BPIFB2: variants seen among roughly 807,000 people sequenced by gnomAD.
BPIFB2 encodes BPI fold containing family B member 2.
In BPIFB2, 39 loss-of-function variants were observed where a neutral mutation model predicts 50.1. The ratio of observed to expected loss-of-function variants is 0.78; its 90% CI spans 0.60 to 1.02. BPIFB2 has a LOEUF of 1.02. Among genes scored for constraint, BPIFB2 ranks in the 50% least tolerant of loss-of-function variants. The pLI is 0.00. For synonymous variants in BPIFB2, 280 were observed against 256.3 expected (o/e 1.09, Z -0.88); for missense variants, 574 against 585.8 (o/e 0.98, Z 0.21).
intron 3 of BPIFB2, 147 bp downstream of exon 3, chr20:33,011,264 C>T: frequency 1.4e-6 from 1 of 690,178 alleles, no homozygotes; most frequent in Admixed American, 2.5e-5. Flanking sequence ...TCCAGTCCAC[C>T]AGATGAGCAC....
chr20:33,015,645 GA>G (rs1978393531), intron 6 of BPIFB2, 149 bp downstream of exon 6: 9 of 737,054 alleles, frequency 1.2e-5, no homozygotes, highest in Non-Finnish European at 1.9e-5. Context: ...TGAAGGCAGG[GA>G]AAAGGCTGGT....
At chr20:33,021,420 A>G (rs1978665848) in intron 14 of BPIFB2, 76 bp downstream of exon 14, 1 of 1,483,016 alleles carries the variant, frequency 6.7e-7, no homozygotes, top group Admixed American at 1.9e-5. Flanking sequence ...GCTCAATCCC[A>G]GCCCCCTTCC....
At chr20:33,019,185 G>A in intron 10 of BPIFB2, 70 bp downstream of exon 10, 2 of 1,571,074 alleles carry the variant, frequency 1.3e-6, no homozygotes, top group Non-Finnish European at 1.8e-6. Context: ...TGGGTCATGG[G>A]ATCTCTGCTG....
chr20:33,008,583 G>A lies in BPIFB2; in HGVS notation c.9G>A (p.Trp3Ter). The part of the protein sequence containing the change: MA[W>*]ASRLGLLLAL... ...CAGCGGCCAGGGCAGCCATGGCTTG[G>A]GCAAGTAGGCTGGGCCTGCTGCTGG... Residue 3 changes from tryptophan to a stop codon, truncating the protein, a stop_gained, in exon 2 of 16, where the codon TGG becomes TGA. Coordinates refer to ENST00000170150, the MANE Select transcript of BPIFB2 (RefSeq NM_025227.3). LOFTEE classifies it high-confidence loss of function. 2 of 1,596,590 alleles carry A rather than the reference G, an allele frequency of 1.3e-6. No homozygotes were observed. The highest frequency in any genetic ancestry group is 1.7e-6 in the Non-Finnish European group (2 of 1,171,656).
Position 33,012,788 on chromosome 20 carries a change from A to G in BPIFB2, c.204-15A>G, listed in dbSNP as rs1568976584. ...TAATGGGGGCCACTCTGTCACCTTG[A>G]TTACTACCCTGCAGGATCCGGATTC... On this transcript the variant is annotated splice_polypyrimidine_tract_variant and intron_variant, in intron 3 of 15. Coordinates refer to ENST00000170150, the MANE Select transcript of BPIFB2 (RefSeq NM_025227.3). 6.2e-7 allele frequency: 1 copy of G among 1,600,288 alleles called. No individual in the cohort carries two copies. Among genetic ancestry groups the G allele is most frequent in the Admixed American group, 1.7e-5 (1 of 59,986 alleles).
At chr20:33,017,005 C>T (rs111284661) in intron 6 of BPIFB2, 37 bp from the exon 7 acceptor site, 35,819 of 1,602,210 alleles carry the variant, frequency 0.022, 475 homozygotes, top group Middle Eastern at 0.038. Flanking sequence ...CCCAGGGCTG[C>T]CCTAACCCCA....
At chr20:33,018,379 G>A (rs1978512198) in intron 8 of BPIFB2, 29 bp downstream of exon 8, 1 of 1,570,152 alleles carries the variant, frequency 6.4e-7, no homozygotes, top group Non-Finnish European at 8.8e-7. Context: ...GCCCAGAGCT[G>A]GGGGCTTGCT....
At position 33,023,348 on chromosome 20, in the gene BPIFB2, G is replaced by T. The variant is rs142508681; in HGVS notation, c.1342G>T (p.Val448Leu). The change falls in exon 16 of 16, where the codon GTG becomes TTG. Residue 448 changes from valine (V) to leucine (L), a missense_variant. By Grantham distance (32) the Val-to-Leu change is conservative. Transcript: ENST00000170150. ...APEIFVYEGY[V>L]VISSGLFYQS ...GGTTTCCTTTGCCCTTCAGGGCTAC[G>T]TGGTGATATCCAGTGGACTCTTCTA... The T allele has an allele frequency of 1.0e-4, 163 of 1,613,762 alleles. No individual in the cohort carries two copies. The highest frequency in any genetic ancestry group is 3.0e-4 in the Admixed American group (18 of 59,986).
rs1297845587 is a variant in BPIFB2, at chr20:33,007,730, G to A, written c.-65G>A. 1.3e-5 allele frequency: 2 copies of A among 152,450 alleles called. No homozygotes were observed. Among genetic ancestry groups the A allele is most frequent in the East Asian group, 3.9e-4 (2 of 5,172 alleles). 9.4% of individuals were successfully genotyped at this position (152,450 alleles called of 1,614,324 possible). A position where few individuals can be genotyped will look rare whatever the true frequency, so the allele number is the denominator to read the frequency against. On this transcript the variant is annotated 5_prime_UTR_variant, in exon 1 of 16. Coordinates refer to ENST00000170150, the MANE Select transcript of BPIFB2 (RefSeq NM_025227.3). ...GGCAGAGGAGGGCTACCCTGGGGCT[G>A]AGAGTTCACCTGTCTCAGGAACCAC...
chr20:33,013,121 T>A (rs1990311977), intron 4 of BPIFB2, among the ~76,000 whole-genome samples: 1 of 151,762 alleles, frequency 6.6e-6, no homozygotes, highest in Non-Finnish European at 1.5e-5. Flanking sequence ...CTGGGCAGAG[T>A]CACTTGGCTT....
At chr20:33,017,781 C>A (rs145678494) in intron 7 of BPIFB2, among the ~76,000 whole-genome samples, 8 of 152,144 alleles carry the variant, frequency 5.3e-5, no homozygotes, top group Non-Finnish European at 1.2e-4. Flanking sequence ...TGCGTGTGTG[C>A]GTACGTGTGA....
At position 33,008,645 on chromosome 20, in the gene BPIFB2, G is replaced by A. The variant is rs370014963; in HGVS notation, c.71G>A (p.Gly24Asp). Residue 24 changes from glycine to aspartate, a missense_variant, in exon 2 of 16, where the codon GGC becomes GAC. Gly to Asp is a moderately conservative substitution (Grantham distance 94). Coordinates refer to ENST00000170150, the MANE Select transcript of BPIFB2 (RefSeq NM_025227.3). Reference protein sequence around the residue: ...LLPVVGASTPGTVVRLNKAAL... With the variant: ...LLPVVGASTPDTVVRLNKAAL... ...CCCGTGGTCGGTGCCTCCACGCCAGGCACCGTGGTCCGACTCAACAAGGCA... is the reference window on the plus strand; with the variant it reads ...CCCGTGGTCGGTGCCTCCACGCCAGACACCGTGGTCCGACTCAACAAGGCA... 10 of 1,607,676 alleles carry A rather than the reference G, an allele frequency of 6.2e-6. No homozygotes were observed. Among genetic ancestry groups the A allele is most frequent in the Non-Finnish European group, 7.6e-6 (9 of 1,177,108 alleles).
At chr20:33,014,893 T>TC (rs1283815019) in intron 5 of BPIFB2, among the ~76,000 whole-genome samples, 2 of 151,666 alleles carry the variant, frequency 1.3e-5, no homozygotes, top group African/African-American at 2.4e-5. Context: ...CCCTCCCACC[T>TC]CCCCCCCAGG....
Position 33,023,478 on chromosome 20 carries a change from T to A in BPIFB2, c.*95T>A. On this transcript the variant is annotated 3_prime_UTR_variant, in exon 16 of 16. Transcript: ENST00000170150. The stretch of plus-strand genomic sequence containing the variant: ...TGGGGAAACTGAGGCAAAACCATAC[T>A]TAGTCATCACCAACAAGCTGGACTG... 7.0e-7 allele frequency: 1 copy of A among 1,429,704 alleles called. No individual in the cohort carries two copies. The highest frequency in any genetic ancestry group is 9.8e-7 in the Non-Finnish European group (1 of 1,018,164). 88.6% of individuals were successfully genotyped at this position (1,429,704 alleles called of 1,614,324 possible).
At chr20:33,011,749 T>C (rs1045634546) in intron 3 of BPIFB2, among the ~76,000 whole-genome samples, 5 of 152,244 alleles carry the variant, frequency 3.3e-5, no homozygotes, top group Middle Eastern at 3.4e-3. Context: ...GAGGCCGAGG[T>C]GGGTGGATCA....
In BPIFB2 at chr20:33,020,364, G is replaced by A. The variant is rs1978616629; in HGVS notation, c.1117G>A (p.Val373Met). The change falls in exon 12 of 16, where the codon GTG (valine) becomes ATG (methionine). Residue 373 changes from valine (V) to methionine (M), a missense_variant. Physicochemically the swap from Val to Met is conservative, Grantham distance 21. Coordinates refer to ENST00000170150, the MANE Select transcript of BPIFB2 (RefSeq NM_025227.3). ...NLRLQLSVSKVKLQGTTSVLG... is the reference protein window; with the variant it reads ...NLRLQLSVSKMKLQGTTSVLG... ...GAGACTCCAGCTCTCTGTGTCCAAG[G>A]TGAAGCTTCAGGGGACCACGTCTGT... is the stretch of plus-strand genomic sequence containing the variant. 1 of 1,614,132 alleles carries A rather than the reference G, an allele frequency of 6.2e-7. No homozygotes were observed.
chr20:33,010,026 T>C (rs1990264211), intron 2 of BPIFB2, among the ~76,000 whole-genome samples: 1 of 152,230 alleles, frequency 6.6e-6, no homozygotes, highest in African/African-American at 2.4e-5. Context: ...ACCGCCTTTA[T>C]GCTTCTTGTT....
chr20:33,013,956 G>T lies in BPIFB2; in HGVS notation c.455G>T (p.Ser152Ile). Residue 152 changes from serine to isoleucine, a missense_variant and splice_region_variant, in exon 5 of 16, where the codon AGC (serine) becomes ATC (isoleucine). Coordinates refer to ENST00000170150, the MANE Select transcript of BPIFB2 (RefSeq NM_025227.3). ...GCCAACGAGTTTGATGGCAGTAACA[G>T]GTGGGTGCCTGGTGAGGGCAGGGTC... is the stretch of plus-strand genomic sequence containing the variant. ...GHANEFDGSNSTSHALLVLVQ... is the reference protein window; with the variant it reads ...GHANEFDGSNITSHALLVLVQ... 1 of 1,613,048 alleles carries T rather than the reference G, an allele frequency of 6.2e-7. No individual in the cohort carries two copies. Among genetic ancestry groups the T allele is most frequent in the Non-Finnish European group, 8.5e-7 (1 of 1,179,180 alleles).
chr20:33,016,967 G>T, intron 6 of BPIFB2, 75 bp from the exon 7 acceptor site: 1 of 1,381,022 alleles, frequency 7.2e-7, no homozygotes, highest in South Asian at 1.2e-5. Context: ...AGGGACTCTA[G>T]ACCCCTCTCA....
Sources: allele counts gnomAD v4.1 joint callset (sites outside exome capture counted in the v4.1 genomes callset), GRCh38; gene constraint gnomAD v4.1.1; transcripts MANE v1.5; gene names NCBI Gene and HGNC (gene_info 2026-07-23, HGNC 2026-07-21).